HLCS: variants seen among roughly 807,000 people sequenced by gnomAD.
The protein encoded by HLCS is biotin--protein ligase.
A neutral mutation model predicts 75.0 loss-of-function variants in HLCS; 53 were observed. The ratio of observed to expected loss-of-function variants is 0.71; its 90% confidence interval spans 0.57 to 0.89. The LOEUF (loss-of-function observed/expected upper bound fraction) is 0.89, where lower values mean the gene tolerates loss of function less well. Ranked by LOEUF, HLCS falls within the 40% of genes least tolerant of loss-of-function variation. HLCS has a pLI of 0.00. For synonymous variants in HLCS, 431 were observed against 428.6 expected (o/e 1.01, Z -0.07); for missense variants, 966 against 1,074.0 (o/e 0.90, Z 1.41).
chr21:36,811,268 C>T (rs1336763837), intron 6 of HLCS, among the ~76,000 whole-genome samples: 5 of 152,224 alleles, frequency 3.3e-5, no homozygotes, highest in East Asian at 3.9e-4. Context: ...TTTCATGGTA[C>T]AGCTGCCATG....
At chr21:36,805,821 C>T (rs939649747) in intron 6 of HLCS, among the ~76,000 whole-genome samples, 12 of 152,146 alleles carry the variant, frequency 7.9e-5, no homozygotes, top group African/African-American at 2.4e-4. Flanking sequence ...CATCACTAGA[C>T]GTCCACTTCA....
At chr21:36,946,981 AC>A (rs964450870) in intron 2 of HLCS, among the ~76,000 whole-genome samples, 18 of 152,250 alleles carry the variant, frequency 1.2e-4, no homozygotes, top group African/African-American at 4.3e-4. Flanking sequence ...ATAAACTAAC[AC>A]CGTGGCAGGG....
At chr21:36,837,453 C>T (rs906028932) in intron 6 of HLCS, among the ~76,000 whole-genome samples, 1 of 152,080 alleles carries the variant, frequency 6.6e-6, no homozygotes, top group African/African-American at 2.4e-5. Context: ...TTCATCTTGG[C>T]CATGTCCACG....
intron 5 of HLCS, among the ~76,000 whole-genome samples, chr21:36,924,993 A>C (rs1394550491): frequency 6.6e-6 from 1 of 152,180 alleles, no homozygotes; most frequent in Non-Finnish European, 1.5e-5. Flanking sequence ...AAAGTAACAT[A>C]AAGGACTTCC....
chr21:36,934,901 C>A lies in HLCS; in HGVS notation c.1437+1548G>T, dbSNP rs77391402. Among the ~76,000 whole-genome samples the A allele has an allele frequency of 2.8e-3, 428 of 152,276 alleles. 2 individuals carry two copies. Among genetic ancestry groups the A allele is most frequent in the African/African-American group, 9.5e-3 (396 of 41,562 alleles). On this transcript the variant is annotated intron_variant, in intron 4 of 10. Transcript: ENST00000674895. ...CAGAAGACTGGAAGTCATTTAAAATCAAAAATGACATTCTAATCCTCTGAA... is the reference window on the plus strand; with the variant it reads ...CAGAAGACTGGAAGTCATTTAAAATAAAAAATGACATTCTAATCCTCTGAA...
At chr21:36,772,238 A>G (rs1046805344) in intron 6 of HLCS, among the ~76,000 whole-genome samples, 3 of 152,120 alleles carry the variant, frequency 2.0e-5, no homozygotes, top group African/African-American at 7.2e-5. Context: ...AGCTCTTACA[A>G]TGATGTAGAT....
chr21:36,973,950 C>G (rs2068865181), intron 1 of HLCS: 10 of 152,718 alleles, frequency 6.5e-5, no homozygotes, highest in Admixed American at 6.5e-4. Flanking sequence ...AAGATCATGC[C>G]CTTGCACTCC....
chr21:36,774,501 G>C (rs2060299326), intron 6 of HLCS, among the ~76,000 whole-genome samples: 1 of 152,156 alleles, frequency 6.6e-6, no homozygotes, highest in Non-Finnish European at 1.5e-5. Context: ...GTCGATCCTA[G>C]AACTTCTTGC....
intron 6 of HLCS, among the ~76,000 whole-genome samples, chr21:36,774,673 C>T (rs575859719): frequency 1.3e-5 from 2 of 152,314 alleles, no homozygotes; most frequent in East Asian, 3.9e-4. Flanking sequence ...GTACCCATCC[C>T]TCATCACTTC....
chr21:36,884,234 C>T (rs1233322013), intron 6 of HLCS, among the ~76,000 whole-genome samples: 1 of 152,246 alleles, frequency 6.6e-6, no homozygotes, highest in Non-Finnish European at 1.5e-5. Context: ...AACCTTCCAG[C>T]CTTCCAAGAA....
intron 5 of HLCS, among the ~76,000 whole-genome samples, chr21:36,921,529 T>G (rs1433535764): frequency 1.3e-5 from 2 of 152,254 alleles, no homozygotes; most frequent in African/African-American, 4.8e-5. Context: ...GCAGGTTGAA[T>G]TAAACTAAAA....
At chr21:36,766,471 T>C (rs79493550) in intron 7 of HLCS, among the ~76,000 whole-genome samples, 1,628 of 152,328 alleles carry the variant, frequency 0.011, 39 homozygotes, top group African/African-American at 0.037. Flanking sequence ...ATTTTTTTTT[T>C]CCATTTGAAT....
intron 6 of HLCS, among the ~76,000 whole-genome samples, chr21:36,820,874 C>A (rs1483186241): frequency 6.6e-6 from 1 of 152,166 alleles, no homozygotes. Context: ...CACGGAAAAA[C>A]CAGAAGTCAG....
intron 6 of HLCS, among the ~76,000 whole-genome samples, chr21:36,820,851 A>G (rs532289515): frequency 6.6e-6 from 1 of 152,302 alleles, no homozygotes; most frequent in South Asian, 2.1e-4. Context: ...TGTCTTTTCG[A>G]TGACCCCAAA....
chr21:36,957,666 T>C (rs1349756435), intron 2 of HLCS, among the ~76,000 whole-genome samples: 2 of 152,228 alleles, frequency 1.3e-5, no homozygotes, highest in African/African-American at 4.8e-5. Context: ...CTGGGCGCAG[T>C]GGCTCATGCC....
In HLCS at chr21:36,752,737, A is replaced by G. The variant is rs922593281; in HGVS notation, c.*1509T>C. On this transcript the variant is annotated 3_prime_UTR_variant, in exon 11 of 11. Coordinates refer to ENST00000674895, the MANE Select transcript of HLCS (RefSeq NM_001352514.2). ...AGTTCTTTTAATGTTTCATTTCCAA[A>G]AAATATATATTGGGTATTTTTTCAT... is the stretch of plus-strand genomic sequence containing the variant. 2.0e-5 allele frequency: 3 copies of G among 152,388 alleles called. No homozygotes were observed. The highest frequency in any genetic ancestry group is 7.2e-5 in the African/African-American group (3 of 41,454). The allele number at this position is 152,388 out of a possible 1,614,324, so 9.4% of individuals were successfully genotyped here.
chr21:36,765,045 G>A lies in HLCS; in HGVS notation c.2088C>T (p.Val696=), dbSNP rs150794567. 7.1e-5 allele frequency: 114 copies of A among 1,614,168 alleles called. No individual in the cohort carries two copies. The highest frequency in any genetic ancestry group is 1.5e-4 in the African/African-American group (11 of 75,030). ...CGGGAATGGACCTCACTGCTTCCAC[G>A]ACAGCCACGGACATCAGATGCTGGA... is the stretch of plus-strand genomic sequence containing the variant. ...PFVQHLMSVA[V]VEAVRSIPEY... Residue 696 remains valine (V), a synonymous_variant, in exon 8 of 11, where the codon GTC becomes GTT. Coordinates refer to ENST00000674895, the MANE Select transcript of HLCS (RefSeq NM_001352514.2).
chr21:36,819,761 G>A (rs2061770536), intron 6 of HLCS, among the ~76,000 whole-genome samples: 1 of 152,004 alleles, frequency 6.6e-6, no homozygotes, highest in African/African-American at 2.4e-5. Context: ...ATTAAATTGA[G>A]GTCTGCTGGG....
chr21:36,963,012 A>G (rs1481123068), intron 1 of HLCS, among the ~76,000 whole-genome samples: 3 of 152,172 alleles, frequency 2.0e-5, no homozygotes, highest in East Asian at 1.9e-4. Flanking sequence ...GGATGCTCAC[A>G]CAGCAGTTAA....
Sources: allele counts gnomAD v4.1 joint callset (sites outside exome capture counted in the v4.1 genomes callset), GRCh38; gene constraint gnomAD v4.1.1; transcripts MANE v1.5; gene names NCBI Gene and HGNC (gene_info 2026-07-23, HGNC 2026-07-21).